CNTLN: variants seen among roughly 807,000 people sequenced by gnomAD.
CNTLN encodes centlein, centrosomal protein.
CNTLN carries 212 observed loss-of-function variants against 180.0 expected under a neutral mutation model. The ratio of observed to expected loss-of-function variants is 1.18; its 90% CI spans 1.05 to 1.32. The LOEUF (loss-of-function observed/expected upper bound fraction) is 1.32, where lower values mean the gene tolerates loss of function less well. Among genes scored for constraint, CNTLN ranks in the 40% most tolerant of loss-of-function variants. The probability of loss-of-function intolerance (pLI) is 0.00; values close to 1 mark genes in which losing one functional copy is unlikely to be tolerated. For synonymous variants in CNTLN, 722 were observed against 563.1 expected, an observed-to-expected ratio of 1.28 and a Z score of -3.99; for missense variants, 2,095 against 1,610.9, an observed-to-expected ratio of 1.30 and a Z score of -5.14.
intron 13 of CNTLN, among the ~76,000 whole-genome samples, chr9:17,381,365 G>A (rs1825240555): frequency 6.6e-6 from 1 of 152,192 alleles, no homozygotes; most frequent in African/African-American, 2.4e-5. Context: ...AGCTAGTCAA[G>A]TGCAGCCAGC....
intron 6 of CNTLN, among the ~76,000 whole-genome samples, chr9:17,274,974 CTT>C (rs1011676851): frequency 6.6e-6 from 1 of 152,026 alleles, no homozygotes; most frequent in Non-Finnish European, 1.5e-5. Context: ...ATTTTAAAAA[CTT>C]TCTCATCATA....
intron 23 of CNTLN, among the ~76,000 whole-genome samples, chr9:17,479,342 A>G (rs112402521): frequency 4.7e-4 from 72 of 152,356 alleles, no homozygotes; most frequent in African/African-American, 1.7e-3. Context: ...TATAAACAAC[A>G]ATTGATTACC....
chr9:17,487,003 A>G lies in CNTLN; in HGVS notation c.4056A>G (p.Thr1352=), dbSNP rs1832923394. The change falls in exon 25 of 26, where the codon ACA becomes ACG. Residue 1352 remains threonine, a synonymous_variant. Coordinates refer to ENST00000380647, the MANE Select transcript of CNTLN (RefSeq NM_017738.4). ...TTTTTCTTCAGGAAATTGAAAAAAC[A>G]AAAATTGATGCTGAAAATGACAAGG... ...DTEDQVEIEK[T]KIDAENDKEW... 2 of 1,577,690 alleles carry G rather than the reference A, an allele frequency of 1.3e-6. No homozygotes were observed. The highest frequency in any genetic ancestry group is 2.8e-5 in the African/African-American group (2 of 72,456).
intron 20 of CNTLN, among the ~76,000 whole-genome samples, chr9:17,464,177 C>T (rs1343159068): frequency 6.6e-6 from 1 of 151,202 alleles, no homozygotes; most frequent in East Asian, 1.9e-4. Context: ...TGATTTTTCA[C>T]AGCAATGTAA....
chr9:17,267,515 T>G (rs909502990), intron 5 of CNTLN, among the ~76,000 whole-genome samples: 9 of 152,054 alleles, frequency 5.9e-5, no homozygotes, highest in Non-Finnish European at 1.3e-4. Flanking sequence ...CAATTATGTG[T>G]CTTGGAGTTG....
intron 12 of CNTLN, among the ~76,000 whole-genome samples, chr9:17,364,411 G>A (rs1823639849): frequency 6.6e-6 from 1 of 151,650 alleles, no homozygotes. Context: ...CTGGTATTAT[G>A]TTATTATTAT....
intron 8 of CNTLN, among the ~76,000 whole-genome samples, chr9:17,312,420 T>C (rs1819254319): frequency 6.8e-6 from 1 of 146,040 alleles, no homozygotes; most frequent in Non-Finnish European, 1.5e-5. Context: ...AGAGTCTCAC[T>C]CTGTCGCCCA....
chr9:17,363,328 C>T (rs1290848307), intron 12 of CNTLN, among the ~76,000 whole-genome samples: 1 of 152,188 alleles, frequency 6.6e-6, no homozygotes, highest in Non-Finnish European at 1.5e-5. Flanking sequence ...AACTAATTTA[C>T]ATTTCCACCA....
intron 12 of CNTLN, among the ~76,000 whole-genome samples, chr9:17,347,729 A>T (rs1822025288): frequency 6.6e-6 from 1 of 152,062 alleles, no homozygotes; most frequent in Non-Finnish European, 1.5e-5. Flanking sequence ...ATACATGTAA[A>T]CTACCAGACA....
At chr9:17,400,194 A>G (rs1011824538) in intron 15 of CNTLN, among the ~76,000 whole-genome samples, 2 of 152,058 alleles carry the variant, frequency 1.3e-5, no homozygotes, top group African/African-American at 4.8e-5. Flanking sequence ...CTGGAGTGCA[A>G]TGGCGTGGTC....
chr9:17,507,109 C>G (rs759908447), downstream of CNTLN, among the ~76,000 whole-genome samples: 89 of 152,088 alleles, frequency 5.9e-4, no homozygotes, highest in Non-Finnish European at 9.3e-4. Flanking sequence ...GCAAACAGTA[C>G]CTGATACATA....
chr9:17,308,221 A>T (rs562485990), intron 7 of CNTLN, among the ~76,000 whole-genome samples: 3 of 147,778 alleles, frequency 2.0e-5, no homozygotes, highest in African/African-American at 7.8e-5. Context: ...GTTATCTCAT[A>T]GTTTTAATAA....
At chr9:17,309,394 T>G in intron 8 of CNTLN, 142 bp downstream of exon 8, 3 of 593,150 alleles carry the variant, frequency 5.1e-6, no homozygotes, top group Non-Finnish European at 8.3e-6. Flanking sequence ...ATTATACTGT[T>G]TTTATACTGT....
intron 5 of CNTLN, among the ~76,000 whole-genome samples, chr9:17,271,789 C>G (rs1827965662): frequency 6.6e-6 from 1 of 152,140 alleles, no homozygotes; most frequent in Non-Finnish European, 1.5e-5. Context: ...TTCATCACCT[C>G]TGTTATTACT....
chr9:17,271,233 G>A (rs1261427253), intron 5 of CNTLN, among the ~76,000 whole-genome samples: 1 of 151,914 alleles, frequency 6.6e-6, no homozygotes. Context: ...GAGCCACCGC[G>A]CCCAGCACTA....
intron 18 of CNTLN, among the ~76,000 whole-genome samples, chr9:17,444,596 AT>A (rs1180022958): frequency 6.6e-6 from 1 of 152,186 alleles, no homozygotes; most frequent in African/African-American, 2.4e-5. Context: ...AGAACTACTG[AT>A]TTAGAAGAAA....
chr9:17,381,831 C>T (rs1373685312), intron 13 of CNTLN, among the ~76,000 whole-genome samples: 1 of 152,138 alleles, frequency 6.6e-6, no homozygotes, highest in East Asian at 1.9e-4. Flanking sequence ...TTTCTTAATC[C>T]CAGTCCCAGG....
At chr9:17,404,823 C>A (rs181782551) in intron 15 of CNTLN, among the ~76,000 whole-genome samples, 1 of 150,632 alleles carries the variant, frequency 6.6e-6, no homozygotes, top group Non-Finnish European at 1.5e-5. Flanking sequence ...CTGCAGGCTC[C>A]ACCTCCTGGG....
chr9:17,362,891 C>A (rs569306800), intron 12 of CNTLN, among the ~76,000 whole-genome samples: 1 of 152,002 alleles, frequency 6.6e-6, no homozygotes, highest in African/African-American at 2.4e-5. Flanking sequence ...CTCCCCTAGT[C>A]CCCCATACCC....
Sources: gnomAD v4.1 joint callset for allele counts (sites outside exome capture counted in the v4.1 genomes callset) on GRCh38, gnomAD v4.1.1 for gene constraint, MANE v1.5 for transcripts, NCBI Gene and HGNC (gene_info 2026-07-23, HGNC 2026-07-21) for gene names.